MISP: variants seen among roughly 807,000 people sequenced by gnomAD.
MISP encodes mitotic spindle positioning.
In MISP, 51 loss-of-function variants were observed where a neutral mutation model predicts 49.3. The observed-to-expected ratio is 1.03, with a 90% CI of 0.83 to 1.31. The LOEUF (loss-of-function observed/expected upper bound fraction) is 1.31. Among genes scored for constraint, MISP ranks in the 50% most tolerant of loss-of-function variants. The pLI, the probability that MISP is intolerant of heterozygous loss-of-function variation, is 0.00. For missense variants in MISP, 1,084 were observed against 935.1 expected, an observed-to-expected ratio of 1.16 and a Z score of -2.08; for synonymous variants, 444 against 392.6, an observed-to-expected ratio of 1.13 and a Z score of -1.55.
At chr19:749,810 G>A (rs2033431688), upstream of MISP, among the ~76,000 whole-genome samples, 2 of 151,958 alleles carry the variant, frequency 1.3e-5, no homozygotes, top group Admixed American at 1.3e-4. Context: ...GGTGACAAGA[G>A]CGAGACTCCG....
intron 4 of MISP, among the ~76,000 whole-genome samples, chr19:762,567 T>G (rs946187817): frequency 6.6e-6 from 1 of 152,212 alleles, no homozygotes; most frequent in South Asian, 2.1e-4. Context: ...GCACTTTCTT[T>G]GAGGAAGGTA....
At position 757,338 on chromosome 19, in the gene MISP, C is replaced by G. The variant is rs759779671; in HGVS notation, c.392C>G (p.Ala131Gly). The G allele has an allele frequency of 6.2e-7, 1 of 1,613,860 alleles. No homozygotes were observed. The highest frequency in any genetic ancestry group is 8.5e-7 in the Non-Finnish European group (1 of 1,179,916). ...MKTYRLDAGD[A>G]DPRRLCDLER... ...ACCTACCGCCTGGATGCTGGGGACG[C>G]TGACCCCAGGAGGCTGTGTGACCTG... The change falls in exon 2 of 5, where the codon GCT (alanine) becomes GGT (glycine). Residue 131 changes from alanine (A) to glycine (G), a missense_variant. Physicochemically the swap from Ala to Gly is moderately conservative, Grantham distance 60 (BLOSUM62 0). Coordinates refer to ENST00000215582, the MANE Select transcript of MISP (RefSeq NM_173481.4).
rs2033557421 is a variant in MISP, at chr19:756,887, C to T, written c.-57-3C>T. On this transcript the variant is annotated splice_polypyrimidine_tract_variant and splice_region_variant and intron_variant, in intron 1 of 4. Coordinates refer to ENST00000215582, the MANE Select transcript of MISP (RefSeq NM_173481.4). ...TGGCCCTCATTTCCTTCTCCTCCCT[C>T]AGTAAGCCCAGAGGTCTCCACCCCA... is the stretch of plus-strand genomic sequence containing the variant. 3 of 1,377,260 alleles carry T rather than the reference C, an allele frequency of 2.2e-6. No individual in the cohort carries two copies. The South Asian group carries it at 4.5e-5, about 21-fold the overall frequency. The allele number at this position is 1,377,260 out of a possible 1,614,324, so 85.3% of individuals were successfully genotyped here.
In MISP at chr19:757,167, C is replaced by G. The variant is rs373219984; in HGVS notation, c.221C>G (p.Thr74Ser). 4.3e-6 allele frequency: 7 copies of G among 1,613,474 alleles called. No individual in the cohort carries two copies. Among genetic ancestry groups the G allele is most frequent in the Non-Finnish European group, 5.9e-6 (7 of 1,179,966 alleles). ...QGVSYSVHAY[T>S]GQPSPRGLHS... is the part of the protein sequence containing the mutation. ...GTGTCCTACAGCGTGCATGCCTACA[C>G]TGGCCAGCCGTCCCCACGGGGGCTC... The change falls in exon 2 of 5, where the codon ACT (threonine) becomes AGT (serine). Residue 74 changes from threonine to serine, a missense_variant. Thr to Ser is a moderately conservative substitution (Grantham distance 58). Coordinates refer to ENST00000215582, the MANE Select transcript of MISP (RefSeq NM_173481.4).
Position 757,932 on chromosome 19 carries a change from C to T in MISP, c.986C>T (p.Pro329Leu), listed in dbSNP as rs373929841. 6.1e-5 allele frequency: 98 copies of T among 1,600,928 alleles called. No individual in the cohort carries two copies. The highest frequency in any genetic ancestry group is 1.6e-4 in the African/African-American group (12 of 74,856). ...HQELVEIPTRPLLTKLSLITA... is the reference protein window; with the variant it reads ...HQELVEIPTRLLLTKLSLITA... ...GAGCTGGTGGAAATCCCCACCAGGC[C>T]GCTGCTGACCAAGCTGAGCCTGATC... The change falls in exon 2 of 5, where the codon CCG becomes CTG. Residue 329 changes from proline to leucine, a missense_variant. Pro to Leu is a moderately conservative substitution (Grantham distance 98). Transcript: ENST00000215582.
rs1472891597 is a variant in MISP, at chr19:763,995, C to T, written c.*405C>T. 1.9e-5 allele frequency: 3 copies of T among 160,810 alleles called. No homozygotes were observed. The highest frequency in any genetic ancestry group is 3.6e-4 in the East Asian group (2 of 5,584). The allele number at this position is 160,810 out of a possible 1,614,324, so 10.0% of individuals were successfully genotyped here. On this transcript the variant is annotated 3_prime_UTR_variant, in exon 5 of 5. Coordinates refer to ENST00000215582, the MANE Select transcript of MISP (RefSeq NM_173481.4). ...CAGATCGCAGCACCTTGAGGGGCTG[C>T]GGGTCTGAGGGAGGAGACACTCAGC...
chr19:754,442 G>A lies in MISP; in HGVS notation c.-57-2448G>A, dbSNP rs554719129. ...CGCGCCACTGCACTCCAGCCTGGGC[G>A]ACAGAGTGAGACTCCGCCTCAAAAA... On this transcript the variant is annotated intron_variant, in intron 1 of 4. Coordinates refer to ENST00000215582, the MANE Select transcript of MISP (RefSeq NM_173481.4). Among the ~76,000 whole-genome samples, 82 of 151,650 alleles carry A rather than the reference G, an allele frequency of 5.4e-4. 1 individual carries two copies. Among genetic ancestry groups the A allele is most frequent in the Admixed American group, 9.9e-4 (15 of 15,210 alleles).
At chr19:759,553 C>A (rs1235947660) in intron 2 of MISP, among the ~76,000 whole-genome samples, 1 of 152,056 alleles carries the variant, frequency 6.6e-6, no homozygotes, top group Admixed American at 6.6e-5. Context: ...GCGCCTGCCT[C>A]CACGCCTGGC....
At chr19:762,451 C>G (rs2033688595) in intron 4 of MISP, among the ~76,000 whole-genome samples, 2 of 151,780 alleles carry the variant, frequency 1.3e-5, no homozygotes, top group Non-Finnish European at 1.5e-5. Context: ...TGGGGTTTCA[C>G]CATGTTGGCC....
rs746489486 is a variant in MISP at position 761,680 on chromosome 19, G to A, written c.1950+17G>A. On this transcript the variant is annotated intron_variant, in intron 4 of 4. Coordinates refer to ENST00000215582, the MANE Select transcript of MISP (RefSeq NM_173481.4). ...AACTCAGAGGTGAGTATGCTCCTGG[G>A]CACGAAGACTCAAGTCTTTCCCCCC... is the stretch of plus-strand genomic sequence containing the variant. 5.6e-6 allele frequency: 9 copies of A among 1,613,872 alleles called. No individual in the cohort carries two copies. In the East Asian group the frequency reaches 2.0e-4, roughly 36 times the overall value.
At chr19:755,178 C>T (rs57151210) in intron 1 of MISP, among the ~76,000 whole-genome samples, 6,197 of 152,188 alleles carry the variant, frequency 0.041, 451 homozygotes, top group East Asian at 0.35. Flanking sequence ...AGAAGCGATG[C>T]GAGCAGGTGT....
chr19:760,016 G>A lies in MISP; in HGVS notation c.1888G>A (p.Gly630Arg), dbSNP rs896960254. 38 of 1,613,732 alleles carry A rather than the reference G, an allele frequency of 2.4e-5. 1 individual carries two copies. The highest frequency in any genetic ancestry group is 1.1e-4 in the East Asian group (5 of 44,876). ...VEDPVDSAPP[G>R]QRKKEQWYAG... ...AGATCCAGTGGACAGTGCTCCTCCC[G>A]GGCAGAGAAAGAAGGAGCAATGGGT... Residue 630 changes from glycine to arginine, a missense_variant, in exon 3 of 5, where the codon GGG becomes AGG. Coordinates refer to ENST00000215582, the MANE Select transcript of MISP (RefSeq NM_173481.4).
chr19:757,291 C>G lies in MISP; in HGVS notation c.345C>G (p.Asp115Glu). 4 of 1,614,028 alleles carry G rather than the reference C, an allele frequency of 2.5e-6. No individual in the cohort carries two copies. Among genetic ancestry groups the G allele is most frequent in the Non-Finnish European group, 3.4e-6 (4 of 1,179,988 alleles). The change falls in exon 2 of 5, where the codon GAC (aspartate) becomes GAG (glutamate). Residue 115 changes from aspartate (D) to glutamate (E), a missense_variant. Coordinates refer to ENST00000215582, the MANE Select transcript of MISP (RefSeq NM_173481.4). ...CAACATGGGCACTCCGCCCAGAGGA[C>G]GGGGAGGACAAGGAGATGAAGACCT... ...GRPTWALRPE[D>E]GEDKEMKTYR...
Position 757,519 on chromosome 19 carries a change from T to A in MISP, c.573T>A (p.Ile191=). ...AGAACGTGGTTGACAGGGAGCAGAT[T>A]GACTTCCTGGCAGCGAGACAGCAGT... ...LEENVVDREQ[I]DFLAARQQFL... The change falls in exon 2 of 5, where the codon ATT becomes ATA. Residue 191 remains isoleucine (I), a synonymous_variant. Transcript: ENST00000215582. 1 of 1,609,276 alleles carries A rather than the reference T, an allele frequency of 6.2e-7. No homozygotes were observed. The highest frequency in any genetic ancestry group is 8.5e-7 in the Non-Finnish European group (1 of 1,178,308).
chr19:758,737 G>A lies in MISP; in HGVS notation c.1780+11G>A. The A allele has an allele frequency of 1.9e-6, 3 of 1,604,028 alleles. No homozygotes were observed. Among genetic ancestry groups the A allele is most frequent in the Non-Finnish European group, 2.6e-6 (3 of 1,173,776 alleles). ...CCTCCCAGGCATCCGGTGAGAAGGG[G>A]CTCCAGGGAGTGGCTGCTTGGCTCA... On this transcript the variant is annotated intron_variant, in intron 2 of 4. Transcript: ENST00000215582.
rs1568243814 is a variant in MISP, at chr19:758,598, G to C, written c.1652G>C (p.Arg551Thr). ...TCATCTGATCTGCTGGAAAGGGAGA[G>C]GGAGAGTGTCCTGCGCCGGGAGCAA... Reference protein sequence around the residue: ...SQSSDLLERERESVLRREQEV... With the variant: ...SQSSDLLERETESVLRREQEV... Residue 551 changes from arginine to threonine, a missense_variant, in exon 2 of 5, where the codon AGG (arginine) becomes ACG (threonine). Transcript: ENST00000215582. The C allele has an allele frequency of 6.2e-7, 1 of 1,614,250 alleles. No individual in the cohort carries two copies. The highest frequency in any genetic ancestry group is 8.5e-7 in the Non-Finnish European group (1 of 1,180,048).
At chr19:751,503 G>A (rs559774955) in intron 1 of MISP, among the ~76,000 whole-genome samples, 24 of 152,300 alleles carry the variant, frequency 1.6e-4, no homozygotes, top group African/African-American at 5.8e-4. Flanking sequence ...ATGGTCAGAG[G>A]CCAGAGGGGC....
Position 758,026 on chromosome 19 carries a change from G to A in MISP, c.1080G>A (p.Gln360=). ...AGCGGGACATAGTACAGGAGACACA[G>A]CGTGAGGAAGACCACCGGCGGGAGG... ...YVQRDIVQET[Q]REEDHRREGL... Residue 360 remains glutamine, a synonymous_variant, in exon 2 of 5, where the codon CAG becomes CAA. Transcript: ENST00000215582. 1.3e-6 allele frequency: 2 copies of A among 1,569,934 alleles called. No homozygotes were observed. The highest frequency in any genetic ancestry group is 1.7e-6 in the Non-Finnish European group (2 of 1,161,232).
At position 758,647 on chromosome 19, in the gene MISP, T is replaced by A. The variant is rs1456097512; in HGVS notation, c.1701T>A (p.Asn567Lys). 12 of 1,614,120 alleles carry A rather than the reference T, an allele frequency of 7.4e-6. No homozygotes were observed. Among genetic ancestry groups the A allele is most frequent in the Non-Finnish European group, 9.3e-6 (11 of 1,180,014 alleles). ...AAGAGGTGGCAGAGGAGCGGAGAAA[T>A]GCTCTCTTCCCAGAGGTCTTCTCCC... is the stretch of plus-strand genomic sequence containing the variant. Reference protein sequence around the residue: ...REQEVAEERRNALFPEVFSPT... With the variant: ...REQEVAEERRKALFPEVFSPT... The change falls in exon 2 of 5, where the codon AAT (asparagine) becomes AAA (lysine). Residue 567 changes from asparagine (N) to lysine (K), a missense_variant. Asn to Lys is a moderately conservative substitution (Grantham distance 94). Transcript: ENST00000215582.
Sources: allele counts gnomAD v4.1 joint callset (sites outside exome capture counted in the v4.1 genomes callset), GRCh38; gene constraint gnomAD v4.1.1; transcripts MANE v1.5; gene names NCBI Gene and HGNC (gene_info 2026-07-23, HGNC 2026-07-21).